The following RBM22 variants were observed in gnomAD, a reference collection of about 807,000 sequenced individuals.
The protein encoded by RBM22 is RNA binding motif protein 22, also known as pre-mRNA-splicing factor RBM22.
In RBM22, 1 loss-of-function variant was observed where a neutral mutation model predicts 50.1. That is an observed-to-expected ratio of 0.02 (90% confidence interval 0.01 to 0.09). The LOEUF is 0.09. RBM22 is among the 10% of genes least tolerant of loss of function. The probability of loss-of-function intolerance (pLI) is 1.00; values close to 1 mark genes in which losing one functional copy is unlikely to be tolerated. For missense variants in RBM22, 264 were observed against 529.3 expected (o/e 0.50, Z 4.92); for synonymous variants, 152 against 179.0 (o/e 0.85, Z 1.20).
intron 2 of RBM22, among the ~76,000 whole-genome samples, chr5:150,700,075 C>T (rs1024931019): frequency 1.3e-5 from 2 of 152,198 alleles, no homozygotes; most frequent in East Asian, 1.9e-4. Context: ...ATTCAGGAAA[C>T]CTAGTTTCTA....
Position 150,700,938 on chromosome 5 carries a change from C to T in RBM22, c.48G>A (p.Glu16=). The T allele has an allele frequency of 3.7e-6, 6 of 1,614,252 alleles. No individual in the cohort carries two copies. Among genetic ancestry groups the T allele is most frequent in the Non-Finnish European group, 4.2e-6 (5 of 1,180,042 alleles). Reference sequence around the variant, plus strand: ...CTCCGGCAGGCACACTCACCGCATCCTCCCAGTTCTGCCTGTTGTAGGTGT... The same window carrying T: ...CTCCGGCAGGCACACTCACCGCATCTTCCCAGTTCTGCCTGTTGTAGGTGT... ...GSNTYNRQNW[E]DADFPILCQT... is the part of the protein sequence containing the mutation. The change falls in exon 1 of 11, where the codon GAG becomes GAA. Residue 16 remains glutamate, a synonymous_variant. Transcript: ENST00000199814.
In RBM22 at chr5:150,692,489, A is replaced by C. The variant is rs373985480; in HGVS notation, c.1132+406T>G. 2.6e-4 allele frequency among the ~76,000 whole-genome samples: 39 copies of C among 152,300 alleles called. No individual in the cohort carries two copies. In the East Asian group the frequency reaches 6.9e-3, roughly 27 times the overall value. The stretch of plus-strand genomic sequence containing the variant: ...GTAACAAGACTTTCTCAATGAAGGA[A>C]GGGGTTCACTGATTACATTTTGGCA... On this transcript the variant is annotated intron_variant, in intron 10 of 10. Transcript: ENST00000199814.
rs377638742 is a variant in RBM22 at position 150,696,747 on chromosome 5, T to G, written c.373-42A>C. Reference sequence around the variant, plus strand: ...AATTCAAAAGATAAATTATACAGACTGTGTCAATTCATTAGGATTTTTATC... The same window carrying G: ...AATTCAAAAGATAAATTATACAGACGGTGTCAATTCATTAGGATTTTTATC... On this transcript the variant is annotated intron_variant, in intron 5 of 10. Coordinates refer to ENST00000199814, the MANE Select transcript of RBM22 (RefSeq NM_018047.3). This position sits in a 1 kb window ranked among gnomAD's most constrained non-coding sequence, Gnocchi z 4.3. 4.3e-6 allele frequency: 7 copies of G among 1,613,718 alleles called. No homozygotes were observed. Among genetic ancestry groups the G allele is most frequent in the Non-Finnish European group, 5.9e-6 (7 of 1,179,624 alleles).
Position 150,694,246 on chromosome 5 carries a change from G to C in RBM22, c.747-6C>G, listed in dbSNP as rs758439372. ...CGAACTGGTAGAAATGATTTCTGAAGGGAAACAGGCAGAGAAAAATGAAAG... is the reference window on the plus strand; with the variant it reads ...CGAACTGGTAGAAATGATTTCTGAACGGAAACAGGCAGAGAAAAATGAAAG... On this transcript the variant is annotated splice_region_variant and splice_polypyrimidine_tract_variant and intron_variant, in intron 7 of 10. Coordinates refer to ENST00000199814, the MANE Select transcript of RBM22 (RefSeq NM_018047.3). 13 of 1,606,024 alleles carry C rather than the reference G, an allele frequency of 8.1e-6. No individual in the cohort carries two copies. Among genetic ancestry groups the C allele is most frequent in the Non-Finnish European group, 1.1e-5 (13 of 1,175,918 alleles).
At position 150,696,350 on chromosome 5, in the gene RBM22, T is replaced by C. The variant is rs554121756; in HGVS notation, c.545+183A>G. Among the ~76,000 whole-genome samples the C allele has an allele frequency of 9.5e-4, 145 of 152,296 alleles. No homozygotes were observed. Among genetic ancestry groups the C allele is most frequent in the African/African-American group, 2.6e-3 (108 of 41,566 alleles). On this transcript the variant is annotated intron_variant, in intron 6 of 10. Coordinates refer to ENST00000199814, the MANE Select transcript of RBM22 (RefSeq NM_018047.3). The surrounding 1 kb of genome is among the most constrained non-coding windows in gnomAD (Gnocchi z 4.3). ...TAGCAATTTAGTTTCCAAGGCTCAA[T>C]TGTAAGTAAAAACTACAATTTATTC...
At chr5:150,699,582 C>T (rs1298508200) in intron 2 of RBM22, among the ~76,000 whole-genome samples, 1 of 152,190 alleles carries the variant, frequency 6.6e-6, no homozygotes, top group African/African-American at 2.4e-5. Context: ...CCCAGGAGTT[C>T]CAGACTAGCC....
Position 150,698,551 on chromosome 5 carries a change from G to A in RBM22, c.219C>T (p.Thr73=). 6.2e-7 allele frequency: 1 copy of A among 1,614,126 alleles called. No individual in the cohort carries two copies. The highest frequency in any genetic ancestry group is 8.5e-7 in the Non-Finnish European group (1 of 1,180,022). The change falls in exon 4 of 11, where the codon ACC becomes ACT. Residue 73 remains threonine, a synonymous_variant. Coordinates refer to ENST00000199814, the MANE Select transcript of RBM22 (RefSeq NM_018047.3). ...GACAGACATTCTTCAATTTACTGCA[G>A]GTTTGGCACACTTCAGTCTTCTTGA... is the stretch of plus-strand genomic sequence containing the variant. ...MRFKKTEVCQ[T]CSKLKNVCQT... is the part of the protein sequence containing the mutation.
At chr5:150,695,382 C>T (rs910246698) in intron 7 of RBM22, 124 bp downstream of exon 7, 19 of 858,578 alleles carry the variant, frequency 2.2e-5, no homozygotes, top group African/African-American at 2.2e-4. Flanking sequence ...CAGCATGATA[C>T]TAACAATAGA....
In RBM22 at chr5:150,693,263, G is replaced by C. The variant is rs771845177; in HGVS notation, c.956C>G (p.Thr319Arg). ...AGGTTCTAGTTTGATCCCAGAGTCT[G>C]TAGTTCCATCTTTCTCTTTTTCTTT... Reference protein sequence around the residue: ...RGKEKEKDGTTDSGIKLEPVP... With the variant: ...RGKEKEKDGTRDSGIKLEPVP... The change falls in exon 9 of 11, where the codon ACA (threonine) becomes AGA (arginine). Residue 319 changes from threonine to arginine, a missense_variant. Thr to Arg is a moderately conservative substitution (Grantham distance 71, BLOSUM62 -1). Around this residue, in one of 7 missense-constraint regions of RBM22, gnomAD observed 106 missense variants for 137.1 expected, o/e 0.77. Transcript: ENST00000199814. 1.2e-6 allele frequency: 2 copies of C among 1,614,088 alleles called. No individual in the cohort carries two copies. Among genetic ancestry groups the C allele is most frequent in the South Asian group, 1.1e-5 (1 of 91,080 alleles).
Position 150,700,974 on chromosome 5 carries a change from A to G in RBM22, c.12T>C (p.Ser4=), listed in dbSNP as rs1020389727. Residue 4 remains serine, a synonymous_variant, in exon 1 of 11, where the codon TCT becomes TCC. Transcript: ENST00000199814. The part of the protein sequence containing the change: MAT[S]LGSNTYNRQN... ...GCCTGTTGTAGGTGTTGGAACCCAG[A>G]GAGGTCGCCATCTTGAGAGCGTCCG... 2 of 1,614,198 alleles carry G rather than the reference A, an allele frequency of 1.2e-6. No homozygotes were observed. The highest frequency in any genetic ancestry group is 3.3e-5 in the Admixed American group (2 of 60,030).
intron 1 of RBM22, 125 bp downstream of exon 1, chr5:150,700,807 A>G (rs766489287): frequency 6.3e-7 from 1 of 1,593,346 alleles, no homozygotes; most frequent in Non-Finnish European, 8.5e-7. Context: ...GCTCCGGCCA[A>G]GCTAGGCCGC....
intron 7 of RBM22, chr5:150,695,280 T>C: frequency 1.9e-6 from 1 of 519,534 alleles, no homozygotes; most frequent in Non-Finnish European, 3.4e-6. Flanking sequence ...CCTCCCAAAG[T>C]GTTGAGATTA....
At chr5:150,697,753 A>C (rs1210229566) in intron 4 of RBM22, 1 of 339,968 alleles carries the variant, frequency 2.9e-6, no homozygotes, top group African/African-American at 2.3e-5. Context: ...AATAGTAAAA[A>C]CTCTTGTTGA....
At chr5:150,700,775 G>A (rs1759337845) in intron 1 of RBM22, 157 bp downstream of exon 1, 2 of 1,556,522 alleles carry the variant, frequency 1.3e-6, no homozygotes. Context: ...AAGCCCGCAG[G>A]AGGATCGCCC....
chr5:150,700,817 C>T, intron 1 of RBM22, 115 bp downstream of exon 1: 1 of 1,602,212 alleles, frequency 6.2e-7, no homozygotes, highest in Non-Finnish European at 8.5e-7. Context: ...AGCTAGGCCG[C>T]CGCGCTGGCT....
intron 8 of RBM22, among the ~76,000 whole-genome samples, chr5:150,693,680 T>A (rs978952776): frequency 6.6e-6 from 1 of 152,228 alleles, no homozygotes; most frequent in African/African-American, 2.4e-5. Context: ...TCTTATGCAA[T>A]CATCACTTTT....
intron 3 of RBM22, among the ~76,000 whole-genome samples, chr5:150,698,970 T>C (rs1759310463): frequency 6.6e-6 from 1 of 152,162 alleles, no homozygotes. Flanking sequence ...CCTCCTCAGC[T>C]AAAATGCTCG....
At chr5:150,694,624 TA>T (rs753644690) in intron 7 of RBM22, 46 of 164,038 alleles carry the variant, frequency 2.8e-4, no homozygotes, top group Middle Eastern at 2.9e-3. Context: ...CCACAATGCC[TA>T]AAATATTCAC....
At chr5:150,693,936 T>C (rs1325034409) in intron 8 of RBM22, 140 bp downstream of exon 8, 15 of 1,103,378 alleles carry the variant, frequency 1.4e-5, no homozygotes, top group East Asian at 5.1e-5. Flanking sequence ...AAGTATCACA[T>C]AGAGAGTGAT....
Sources: gnomAD v4.1 joint callset for allele counts (sites outside exome capture counted in the v4.1 genomes callset) on GRCh38, gnomAD v4.1.1 for gene constraint, gnomAD v4.1.1 regional missense constraint, Gnocchi (gnomAD v3.1) non-coding constraint, MANE v1.5 for transcripts, NCBI Gene and HGNC (gene_info 2026-07-23, HGNC 2026-07-21) for gene names.